The following BCAS3 variants were observed in gnomAD, a reference collection of about 807,000 sequenced individuals.
BCAS3 encodes the protein BCAS4/BCAS3 fusion.
BCAS3 carries 53 observed loss-of-function variants against 116.1 expected under a neutral mutation model. That is an observed-to-expected ratio of 0.46 (90% CI 0.37 to 0.57). The LOEUF (loss-of-function observed/expected upper bound fraction) is 0.57, where lower values mean the gene tolerates loss of function less well. Ranked by LOEUF, BCAS3 falls within the 20% of genes least tolerant of loss-of-function variation. The pLI is 0.00. For synonymous variants in BCAS3, 391 were observed against 408.2 expected (o/e 0.96, Z 0.51); for missense variants, 917 against 1,165.4 (o/e 0.79, Z 3.10).
chr17:60,889,634 T>C, intron 9 of BCAS3, 61 bp from the exon 10 acceptor site: 1 of 1,363,616 alleles, frequency 7.3e-7, no homozygotes, highest in Non-Finnish European at 1.0e-6. Flanking sequence ...CATCGATATA[T>C]GATGCACCAA....
intron 13 of BCAS3, among the ~76,000 whole-genome samples, chr17:60,946,660 A>G (rs865916311): frequency 4.1e-4 from 62 of 152,200 alleles, no homozygotes; most frequent in Middle Eastern, 3.2e-3. Context: ...CTGTAATCTC[A>G]GAGCTTTGAG....
intron 7 of BCAS3, among the ~76,000 whole-genome samples, chr17:60,850,200 A>G (rs2052954685): frequency 6.6e-6 from 1 of 152,032 alleles, no homozygotes; most frequent in Non-Finnish European, 1.5e-5. Context: ...TCACCCCTTG[A>G]GTTGTACATT....
rs945439390 is a variant in BCAS3 at position 61,026,617 on chromosome 17, G to T, written c.1638-8049G>T. ...TTATTTTAACTTAGAAATACTACAGGGGTGCTCCAGAAAAGGGGGAGAAAT... is the reference window on the plus strand; with the variant it reads ...TTATTTTAACTTAGAAATACTACAGTGGTGCTCCAGAAAAGGGGGAGAAAT... On this transcript the variant is annotated intron_variant, in intron 16 of 23. Transcript: ENST00000407086. The surrounding 1 kb of genome is among the most constrained non-coding windows in gnomAD (Gnocchi z 5.0). Among the ~76,000 whole-genome samples, 1 of 151,816 alleles carries T rather than the reference G, an allele frequency of 6.6e-6. No individual in the cohort carries two copies. Among genetic ancestry groups the T allele is most frequent in the Non-Finnish European group, 1.5e-5 (1 of 67,892 alleles).
chr17:60,826,007 G>A (rs978211079), intron 7 of BCAS3, among the ~76,000 whole-genome samples: 5 of 150,890 alleles, frequency 3.3e-5, no homozygotes, highest in East Asian at 3.9e-4. Flanking sequence ...ACAGGAGCCC[G>A]CCACCATGCC....
In BCAS3 at chr17:61,306,624, A is replaced by G. The variant is rs540920297; in HGVS notation, c.2426-61703A>G. Among the ~76,000 whole-genome samples the G allele has an allele frequency of 2.6e-5, 4 of 152,116 alleles. No homozygotes were observed. The South Asian group carries it at 8.3e-4, about 32-fold the overall frequency. On this transcript the variant is annotated intron_variant, in intron 22 of 23. Transcript: ENST00000407086. ...AAACCCAGTCTCTACACAAAGTAATAAATTAGCTGGGCATGGTGGTACATG... is the reference window on the plus strand; with the variant it reads ...AAACCCAGTCTCTACACAAAGTAATGAATTAGCTGGGCATGGTGGTACATG...
intron 16 of BCAS3, among the ~76,000 whole-genome samples, chr17:61,030,322 A>T: frequency 6.6e-6 from 1 of 152,060 alleles, no homozygotes; most frequent in Non-Finnish European, 1.5e-5. Context: ...CATCTGTCCT[A>T]TTCAGATGGA....
intron 7 of BCAS3, among the ~76,000 whole-genome samples, chr17:60,827,706 G>A (rs1459511340): frequency 1.3e-5 from 2 of 151,688 alleles, no homozygotes; most frequent in African/African-American, 2.4e-5. Context: ...ACCCACAATA[G>A]TTTTCTCATG....
At chr17:60,698,390 A>G (rs2035929380) in intron 4 of BCAS3, among the ~76,000 whole-genome samples, 1 of 152,018 alleles carries the variant, frequency 6.6e-6, no homozygotes, top group African/African-American at 2.4e-5. Context: ...TATGCCTGTA[A>G]TCCAGCACTT....
chr17:60,949,626 T>C (rs2060724729), intron 14 of BCAS3, among the ~76,000 whole-genome samples: 1 of 152,184 alleles, frequency 6.6e-6, no homozygotes, highest in African/African-American at 2.4e-5. Flanking sequence ...GTGGGGTACA[T>C]GTGATATTTT....
chr17:61,038,327 G>T lies in BCAS3; in HGVS notation c.1928+273G>T, dbSNP rs1375847873. Among the ~76,000 whole-genome samples, 8 of 149,746 alleles carry T rather than the reference G, an allele frequency of 5.3e-5. No individual in the cohort carries two copies. The East Asian group carries it at 1.6e-3, about 29-fold the overall frequency. On this transcript the variant is annotated intron_variant, in intron 18 of 23. Coordinates refer to ENST00000407086, the MANE Select transcript of BCAS3 (RefSeq NM_017679.5). ...GAGTCTCACTCTGTCACCCAGGCTGGAGTGCAGTGGCGCGATCTCAGCTCA... is the reference window on the plus strand; with the variant it reads ...GAGTCTCACTCTGTCACCCAGGCTGTAGTGCAGTGGCGCGATCTCAGCTCA...
chr17:60,970,166 A>C (rs1038317418), intron 14 of BCAS3, among the ~76,000 whole-genome samples: 1 of 152,198 alleles, frequency 6.6e-6, no homozygotes, highest in Non-Finnish European at 1.5e-5. Flanking sequence ...TGTAATACAT[A>C]TGACAACTAT....
chr17:61,162,066 G>A lies in BCAS3; in HGVS notation c.2425+77502G>A, dbSNP rs187783538. ...AGGCTGGTTGTAGATTTGGTTGATA[G>A]AATATAAAGTTTGATCTGTATGTGG... On this transcript the variant is annotated intron_variant, in intron 22 of 23. Coordinates refer to ENST00000407086, the MANE Select transcript of BCAS3 (RefSeq NM_017679.5). The surrounding 1 kb of genome is among the most constrained non-coding windows in gnomAD (Gnocchi z 5.6). Among the ~76,000 whole-genome samples, 67 of 152,278 alleles carry A rather than the reference G, an allele frequency of 4.4e-4. 1 individual carries two copies. Among genetic ancestry groups the A allele is most frequent in the Admixed American group, 4.1e-3 (62 of 15,296 alleles).
intron 7 of BCAS3, among the ~76,000 whole-genome samples, chr17:60,826,229 G>C (rs1304231650): frequency 2.0e-5 from 3 of 151,884 alleles, no homozygotes; most frequent in Non-Finnish European, 4.4e-5. Context: ...TGTTGCCCAG[G>C]CTGGAGCGCA....
At position 61,083,317 on chromosome 17, in the gene BCAS3, A is replaced by G; in HGVS notation, c.2328-1150A>G. Among the ~76,000 whole-genome samples the G allele has an allele frequency of 6.6e-6, 1 of 150,972 alleles. No homozygotes were observed. The highest frequency in any genetic ancestry group is 1.5e-5 in the Non-Finnish European group (1 of 68,026). ...TTATTTTGCATTGTCATGAATGTTC[A>G]TGTGCTATGTCATATATATACACAT... On this transcript the variant is annotated intron_variant, in intron 21 of 23. Coordinates refer to ENST00000407086, the MANE Select transcript of BCAS3 (RefSeq NM_017679.5). The surrounding 1 kb of genome is among the most constrained non-coding windows in gnomAD (Gnocchi z 4.9).
intron 7 of BCAS3, among the ~76,000 whole-genome samples, chr17:60,809,713 G>A (rs574426193): frequency 1.6e-4 from 25 of 152,320 alleles, no homozygotes; most frequent in African/African-American, 5.1e-4. Context: ...GTTAGCTGAG[G>A]CTTCATGCAT....
chr17:60,807,520 G>A (rs1003788744), intron 6 of BCAS3, among the ~76,000 whole-genome samples: 4 of 152,096 alleles, frequency 2.6e-5, no homozygotes, highest in Admixed American at 6.5e-5. Flanking sequence ...TGTGGCTCTC[G>A]CCTGTAATCC....
rs2057370784 is a variant in BCAS3, at chr17:61,344,370, C to T, written c.2426-23957C>T. On this transcript the variant is annotated intron_variant, in intron 22 of 23. Transcript: ENST00000407086. This position sits in a 1 kb window ranked among gnomAD's most constrained non-coding sequence, Gnocchi z 4.1. ...TTGTCAAGACTAATTTCCTTTTAGGCCCAGCTTCATCTTCACGGGGACTTT... is the reference window on the plus strand; with the variant it reads ...TTGTCAAGACTAATTTCCTTTTAGGTCCAGCTTCATCTTCACGGGGACTTT... Among the ~76,000 whole-genome samples, 1 of 152,198 alleles carries T rather than the reference C, an allele frequency of 6.6e-6. No individual in the cohort carries two copies. The highest frequency in any genetic ancestry group is 2.1e-4 in the South Asian group (1 of 4,834).
At chr17:61,045,683 G>A (rs185755352) in intron 19 of BCAS3, among the ~76,000 whole-genome samples, 223 of 144,098 alleles carry the variant, frequency 1.5e-3, no homozygotes, top group African/African-American at 5.0e-3. Flanking sequence ...AGGTGTGGTG[G>A]CGCGCACCTG....
chr17:60,729,966 T>C (rs1415756680), intron 5 of BCAS3, among the ~76,000 whole-genome samples: 1 of 152,186 alleles, frequency 6.6e-6, no homozygotes, highest in Non-Finnish European at 1.5e-5. Context: ...GTCTGAGTGG[T>C]TTTACATTAA....
Sources: gnomAD v4.1 joint callset for allele counts (sites outside exome capture counted in the v4.1 genomes callset) on GRCh38, gnomAD v4.1.1 for gene constraint, Gnocchi (gnomAD v3.1) non-coding constraint, MANE v1.5 for transcripts, NCBI Gene and HGNC (gene_info 2026-07-23, HGNC 2026-07-21) for gene names.